Variants in GTF2F2 observed in about 807,000 individuals in gnomAD.
The protein encoded by GTF2F2 is ATP-dependent helicase GTF2F2.
GTF2F2 carries 23 observed loss-of-function variants against 42.2 expected under a neutral mutation model. That is an observed-to-expected ratio of 0.55 (90% CI 0.39 to 0.77). The LOEUF is 0.77. Among genes scored for constraint, GTF2F2 ranks in the 30% least tolerant of loss-of-function variants. GTF2F2 has a pLI of 0.00. For synonymous variants in GTF2F2, 105 were observed against 100.8 expected (o/e 1.04, Z -0.25); for missense variants, 261 against 287.2 (o/e 0.91, Z 0.66).
chr13:45,123,772 G>A (rs1868814456), intron 1 of GTF2F2, among the ~76,000 whole-genome samples: 1 of 150,448 alleles, frequency 6.6e-6, no homozygotes, highest in South Asian at 2.1e-4. Context: ...CTAATGAAGT[G>A]CTATTTCTGG....
chr13:45,191,224 A>AATATATATATATATATATAT (rs1165963910), intron 4 of GTF2F2, among the ~76,000 whole-genome samples: 19 of 75,250 alleles, frequency 2.5e-4, no homozygotes, highest in Middle Eastern at 7.2e-3. Context: ...ACAAAAAAAA[A>AATATATATATATATATATAT]ATATATATAT....
chr13:45,240,896 T>A (rs960171531), intron 5 of GTF2F2, among the ~76,000 whole-genome samples: 2 of 151,492 alleles, frequency 1.3e-5, no homozygotes. Context: ...TCCCAGCACT[T>A]TGGGAGGCCC....
At chr13:45,242,798 A>G (rs1030522023) in intron 5 of GTF2F2, among the ~76,000 whole-genome samples, 1 of 152,202 alleles carries the variant, frequency 6.6e-6, no homozygotes, top group Non-Finnish European at 1.5e-5. Flanking sequence ...TTGAGTTGCT[A>G]TTATGTGAGA....
chr13:45,245,668 T>A (rs201063726), intron 5 of GTF2F2, among the ~76,000 whole-genome samples: 2,212 of 23,524 alleles, frequency 0.094, 12 homozygotes, highest in South Asian at 0.16. Context: ...ATGGTGTGAA[T>A]ATATATATAT....
intron 1 of GTF2F2, among the ~76,000 whole-genome samples, chr13:45,125,551 C>G (rs945746715): frequency 6.6e-6 from 1 of 152,112 alleles, no homozygotes; most frequent in African/African-American, 2.4e-5. Context: ...ATCTCTTGAC[C>G]TCGTTCGTGA....
chr13:45,219,828 C>T (rs1001832151), intron 5 of GTF2F2, among the ~76,000 whole-genome samples: 2 of 152,126 alleles, frequency 1.3e-5, no homozygotes, highest in African/African-American at 4.8e-5. Context: ...ATGTCTAAAA[C>T]CTTTTTCTTT....
At chr13:45,233,296 T>C (rs2138221523) in intron 5 of GTF2F2, among the ~76,000 whole-genome samples, 1 of 152,318 alleles carries the variant, frequency 6.6e-6, no homozygotes, top group South Asian at 2.1e-4. Flanking sequence ...ATTAAATCCA[T>C]AGAAGTCCAC....
chr13:45,205,776 C>T (rs979505273), intron 4 of GTF2F2, among the ~76,000 whole-genome samples: 5 of 152,146 alleles, frequency 3.3e-5, no homozygotes, highest in African/African-American at 1.2e-4. Flanking sequence ...CCTCGGCCTC[C>T]CAAAGTGCTG....
intron 5 of GTF2F2, among the ~76,000 whole-genome samples, chr13:45,241,819 G>A (rs950974268): frequency 2.0e-5 from 3 of 151,816 alleles, no homozygotes; most frequent in African/African-American, 7.3e-5. Flanking sequence ...TTTATTCAAC[G>A]CACTGGGTTT....
At chr13:45,150,043 A>T (rs1444785652) in intron 3 of GTF2F2, among the ~76,000 whole-genome samples, 1 of 152,188 alleles carries the variant, frequency 6.6e-6, no homozygotes, top group African/African-American at 2.4e-5. Flanking sequence ...AACTTCTGTA[A>T]TACTTTACTA....
chr13:45,160,770 T>G (rs112877300), intron 4 of GTF2F2, among the ~76,000 whole-genome samples: 2 of 151,578 alleles, frequency 1.3e-5, no homozygotes, highest in African/African-American at 4.8e-5. Context: ...TCAGCTGTTT[T>G]TTTTTTTTTT....
chr13:45,131,561 G>A (rs1321973588), intron 1 of GTF2F2, among the ~76,000 whole-genome samples: 1 of 152,092 alleles, frequency 6.6e-6, no homozygotes, highest in Non-Finnish European at 1.5e-5. Context: ...TGGCAGAGGA[G>A]TAAGTGTAGA....
At chr13:45,256,438 A>G (rs1876107801) in intron 6 of GTF2F2, among the ~76,000 whole-genome samples, 1 of 152,154 alleles carries the variant, frequency 6.6e-6, no homozygotes. Context: ...AAAGATAATT[A>G]ACATTAAGTG....
At chr13:45,151,206 C>T (rs934917346) in intron 3 of GTF2F2, among the ~76,000 whole-genome samples, 1 of 152,154 alleles carries the variant, frequency 6.6e-6, no homozygotes, top group Non-Finnish European at 1.5e-5. Flanking sequence ...TTAGTTCCCA[C>T]TTGTAAGTGA....
intron 4 of GTF2F2, among the ~76,000 whole-genome samples, chr13:45,168,990 C>T (rs1871459878): frequency 6.7e-6 from 1 of 148,316 alleles, no homozygotes; most frequent in Admixed American, 6.8e-5. Flanking sequence ...TTCCTCCCTC[C>T]TTCCCTCTTT....
intron 4 of GTF2F2, among the ~76,000 whole-genome samples, chr13:45,172,940 C>A (rs1871669699): frequency 6.6e-6 from 1 of 151,888 alleles, no homozygotes; most frequent in African/African-American, 2.4e-5. Flanking sequence ...TATTCTGAGT[C>A]CCTCAAGTTT....
chr13:45,245,503 G>A (rs1192269742), intron 5 of GTF2F2, among the ~76,000 whole-genome samples: 1 of 151,668 alleles, frequency 6.6e-6, no homozygotes, highest in Non-Finnish European at 1.5e-5. Flanking sequence ...TCATTCTCAT[G>A]CGTTTGCATA....
At chr13:45,155,043 G>A (rs1870682323) in intron 4 of GTF2F2, among the ~76,000 whole-genome samples, 1 of 152,196 alleles carries the variant, frequency 6.6e-6, no homozygotes, top group South Asian at 2.1e-4. Flanking sequence ...ATAAATAGTA[G>A]CAGGGGCTCT....
rs1555267736 is a variant in GTF2F2, at chr13:45,191,224, A to ATATATATATAT, written c.305-16200_305-16199insTATATATATAT. ...GTCTCTACTAAAAATACAAAAAAAA[A>ATATATATATAT]ATATATATATATATATATATATATA... On this transcript the variant is annotated intron_variant, in intron 4 of 7. Transcript: ENST00000340473. Among the ~76,000 whole-genome samples, 111 of 75,280 alleles carry ATATATATATAT rather than the reference A, an allele frequency of 1.5e-3. 3 individuals carry two copies. The highest frequency in any genetic ancestry group is 6.5e-3 in the African/African-American group (65 of 9,986). 49.4% of individuals were successfully genotyped at this position (75,280 alleles called of 152,430 possible).
Sources: allele counts gnomAD v4.1 joint callset (sites outside exome capture counted in the v4.1 genomes callset), GRCh38; gene constraint gnomAD v4.1.1; transcripts MANE v1.5; gene names NCBI Gene and HGNC (gene_info 2026-07-23, HGNC 2026-07-21).